Variants in USH1C observed in about 807,000 individuals in gnomAD.
USH1C encodes harmonin.
Under a neutral mutation model 119.3 loss-of-function variants are expected in USH1C, and 90 were observed. That is an observed-to-expected ratio of 0.75 (90% CI 0.64 to 0.90). USH1C has a LOEUF of 0.90. USH1C is among the 40% of genes least tolerant of loss of function. USH1C has a pLI of 0.00. For synonymous variants in USH1C, 465 were observed against 443.3 expected, an observed-to-expected ratio of 1.05 and a Z score of -0.62; for missense variants, 1,165 against 1,167.7, an observed-to-expected ratio of 1.00 and a Z score of 0.03.
chr11:17,543,029 T>C (rs1565077106), intron 1 of USH1C, among the ~76,000 whole-genome samples: 1 of 152,162 alleles, frequency 6.6e-6, no homozygotes. Flanking sequence ...CACGCAGCAC[T>C]CAGACATGGG....
In USH1C at chr11:17,509,411, CTG is replaced by C. The variant is rs766725582; in HGVS notation, c.1956_1957del (p.His652GlnfsTer6). ...GACAGGGGAGTTAGTGGGCTTCCCA[CTG>C]TGGTTCTTTGCCTCCCAGTCCTCCA... On this transcript the variant is annotated frameshift_variant, in exon 18 of 27. Coordinates refer to ENST00000005226, the MANE Select transcript of USH1C (RefSeq NM_153676.4). LOFTEE classifies it high-confidence loss of function. 6.9e-5 allele frequency: 110 copies of C among 1,604,128 alleles called. No individual in the cohort carries two copies. The highest frequency in any genetic ancestry group is 9.3e-5 in the Non-Finnish European group (109 of 1,173,450).
At chr11:17,495,447 G>C (rs1401870055) in intron 26 of USH1C, 122 bp downstream of exon 26, 4 of 1,028,816 alleles carry the variant, frequency 3.9e-6, no homozygotes, top group Non-Finnish European at 6.1e-6. Flanking sequence ...CAGCACTTCA[G>C]GGATGGCGCC....
rs562391372 is a variant in USH1C, at chr11:17,504,631, A to G, written c.2184+16T>C. 28 of 1,613,980 alleles carry G rather than the reference A, an allele frequency of 1.7e-5. No individual in the cohort carries two copies. In the Admixed American group the frequency reaches 2.2e-4, roughly 12 times the overall value. On this transcript the variant is annotated intron_variant, in intron 20 of 26. Transcript: ENST00000005226. Reference sequence around the variant, plus strand: ...TGGTGGGGAGACCTCCAGACACACAATGGGTATCAGTTTACTTGTCTGAAT... The same window carrying G: ...TGGTGGGGAGACCTCCAGACACACAGTGGGTATCAGTTTACTTGTCTGAAT...
chr11:17,531,132 C>A lies in USH1C; in HGVS notation c.387+22G>T, dbSNP rs1313635323. The A allele has an allele frequency of 1.9e-6, 3 of 1,613,862 alleles. No individual in the cohort carries two copies. The highest frequency in any genetic ancestry group is 2.5e-6 in the Non-Finnish European group (3 of 1,179,982). On this transcript the variant is annotated intron_variant, in intron 4 of 26. Coordinates refer to ENST00000005226, the MANE Select transcript of USH1C (RefSeq NM_153676.4). This position sits in a 1 kb window ranked among gnomAD's most constrained non-coding sequence, Gnocchi z 4.2. Reference sequence around the variant, plus strand: ...GAGGTCCGAGGCCCTCGCTCCCCCTCCCCCGGACTCTGTTTGCTCACCTGG... The same window carrying A: ...GAGGTCCGAGGCCCTCGCTCCCCCTACCCCGGACTCTGTTTGCTCACCTGG...
chr11:17,526,424 C>A lies in USH1C; in HGVS notation c.597G>T (p.Leu199=). 6.2e-7 allele frequency: 1 copy of A among 1,614,088 alleles called. No homozygotes were observed. The highest frequency in any genetic ancestry group is 1.3e-5 in the African/African-American group (1 of 75,060). Residue 199 remains leucine, a synonymous_variant, in exon 8 of 27, where the codon CTG becomes CTT. Coordinates refer to ENST00000005226, the MANE Select transcript of USH1C (RefSeq NM_153676.4). ...VSESGGVRGS[L]GSPGNRENKE... ...TGTTTTCCCGATTTCCAGGGGAGCCCAGGCTGCCTCGCACGCCCTGAAAGA... is the reference window on the plus strand; with the variant it reads ...TGTTTTCCCGATTTCCAGGGGAGCCAAGGCTGCCTCGCACGCCCTGAAAGA...
rs368244741 is a variant in USH1C at position 17,509,777 on chromosome 11, C to T, written c.1592G>A (p.Arg531His). The T allele has an allele frequency of 1.6e-5, 26 of 1,596,884 alleles. No homozygotes were observed. The African/African-American group carries it at 1.9e-4, about 12-fold the overall frequency. ...GTGCAGGTGCAGTCCGCCTGCGAAG[C>T]GTCTCAAGGGTGGGGCCAGGGGAGA... is the stretch of plus-strand genomic sequence containing the variant. The part of the protein sequence containing the change: ...SVSPLAPPLR[R>H]FAGGLHLHTT... Residue 531 changes from arginine to histidine, a missense_variant, in exon 18 of 27, where the codon CGC (arginine) becomes CAC (histidine). Coordinates refer to ENST00000005226, the MANE Select transcript of USH1C (RefSeq NM_153676.4).
intron 4 of USH1C, 98 bp from the exon 5 acceptor site, chr11:17,527,429 G>A: frequency 1.0e-6 from 1 of 998,552 alleles, no homozygotes; most frequent in Non-Finnish European, 1.6e-6. Context: ...CTCCGGAAAA[G>A]GGAAGGGTGG....
At chr11:17,516,715 G>T in intron 14 of USH1C, 2 of 307,920 alleles carry the variant, frequency 6.5e-6, no homozygotes, top group Non-Finnish European at 1.3e-5. Context: ...GAGACAAAAG[G>T]GAGCCTGGGT....
At position 17,509,820 on chromosome 11, in the gene USH1C, G is replaced by T. The variant is rs562863263; in HGVS notation, c.1549C>A (p.Pro517Thr). 2 of 1,596,814 alleles carry T rather than the reference G, an allele frequency of 1.3e-6. No homozygotes were observed. The highest frequency in any genetic ancestry group is 1.1e-5 in the South Asian group (1 of 90,798). The change falls in exon 18 of 27, where the codon CCT (proline) becomes ACT (threonine). Residue 517 changes from proline (P) to threonine (T), a missense_variant. Transcript: ENST00000005226. ...AGGGGAGACACAGAAGGCGGGGGAGGCGGGGGCCCTGTGGTCATCTGGGGG... is the reference window on the plus strand; with the variant it reads ...AGGGGAGACACAGAAGGCGGGGGAGTCGGGGGCCCTGTGGTCATCTGGGGG... ...EISEMTTGPP[P>T]PPPSVSPLAP... is the part of the protein sequence containing the mutation.
chr11:17,506,470 C>T (rs1431480355), intron 18 of USH1C, among the ~76,000 whole-genome samples: 1 of 152,192 alleles, frequency 6.6e-6, no homozygotes, highest in African/African-American at 2.4e-5. Flanking sequence ...TCTTTTTGGG[C>T]AAGATGTATC....
chr11:17,538,305 C>A (rs993853716), intron 1 of USH1C, among the ~76,000 whole-genome samples: 13 of 152,194 alleles, frequency 8.5e-5, no homozygotes, highest in Admixed American at 3.9e-4. Context: ...TCCACCCTCA[C>A]AATCTTCAGG....
At chr11:17,536,611 G>GCTGCAGAGCTCAGCTCTTCGGC (rs1592034930) in intron 1 of USH1C, among the ~76,000 whole-genome samples, 1 of 152,182 alleles carries the variant, frequency 6.6e-6, no homozygotes, top group East Asian at 1.9e-4. Context: ...TCCTGAGACA[G>GCTGCAGAGCTCAGCTCTTCGGC]CTGCAGAGCT....
intron 1 of USH1C, chr11:17,533,678 T>G: frequency 2.0e-6 from 1 of 489,776 alleles, no homozygotes. Flanking sequence ...CTCACCCCCA[T>G]GGCTGTGTCA....
Position 17,510,510 on chromosome 11 carries a change from T to C in USH1C, c.1425A>G (p.Thr475=), listed in dbSNP as rs147246373. The change falls in exon 17 of 27, where the codon ACA becomes ACG. Residue 475 remains threonine (T), a synonymous_variant. Transcript: ENST00000005226. The stretch of plus-strand genomic sequence containing the variant: ...CCGATTCTTCAAGGTCTTCCCGCTC[T>C]GTCTCAGACACCTGGGACCCAGGAT... The part of the protein sequence containing the change: ...INRLAQEVSE[T]EREDLEESEK... 1 of 1,613,870 alleles carries C rather than the reference T, an allele frequency of 6.2e-7. No individual in the cohort carries two copies. Among genetic ancestry groups the C allele is most frequent in the Admixed American group, 1.7e-5 (1 of 60,028 alleles).
chr11:17,523,118 A>C, intron 11 of USH1C, 93 bp downstream of exon 11: 1 of 1,590,402 alleles, frequency 6.3e-7, no homozygotes, highest in Non-Finnish European at 8.6e-7. Context: ...AGGGAAGGAG[A>C]CCAGCCACCC....
intron 15 of USH1C, among the ~76,000 whole-genome samples, chr11:17,513,345 C>G (rs532360694): frequency 1.1e-4 from 16 of 152,224 alleles, no homozygotes; most frequent in African/African-American, 3.4e-4. Context: ...CACCCCCGCC[C>G]CCAACAAGCC....
intron 25 of USH1C, among the ~76,000 whole-genome samples, chr11:17,496,319 C>T (rs1427795126): frequency 6.6e-6 from 1 of 152,148 alleles, no homozygotes; most frequent in African/African-American, 2.4e-5. Flanking sequence ...GGGACAAAAG[C>T]CTGTGGTCCC....
At chr11:17,518,210 A>C (rs114914711) in intron 14 of USH1C, among the ~76,000 whole-genome samples, 2,238 of 152,330 alleles carry the variant, frequency 0.015, 63 homozygotes, top group African/African-American at 0.051. Flanking sequence ...CTCAAATTAC[A>C]TTTACCCAAC....
chr11:17,495,762 G>C, intron 25 of USH1C, 85 bp from the exon 26 acceptor site: 1 of 1,446,062 alleles, frequency 6.9e-7, no homozygotes, highest in Non-Finnish European at 9.7e-7. Context: ...CTTTCACTGG[G>C]CTCCTGCCTC....
Sources: gnomAD v4.1 joint callset for allele counts (sites outside exome capture counted in the v4.1 genomes callset) on GRCh38, gnomAD v4.1.1 for gene constraint, Gnocchi (gnomAD v3.1) non-coding constraint, MANE v1.5 for transcripts, NCBI Gene and HGNC (gene_info 2026-07-23, HGNC 2026-07-21) for gene names.